The following GHR variants were observed in gnomAD, a reference collection of about 807,000 sequenced individuals.
GHR encodes the protein GH receptor.
GHR carries 35 observed loss-of-function variants against 67.1 expected under a neutral mutation model. The ratio of observed to expected loss-of-function variants is 0.52; its 90% CI spans 0.40 to 0.69. The LOEUF (loss-of-function observed/expected upper bound fraction) is 0.69. Among genes scored for constraint, GHR ranks in the 30% least tolerant of loss-of-function variants. The probability of loss-of-function intolerance (pLI) is 0.00; values close to 1 mark genes in which losing one functional copy is unlikely to be tolerated. For missense variants in GHR, 792 were observed against 764.6 expected (o/e 1.04, Z -0.42); for synonymous variants, 272 against 269.1 (o/e 1.01, Z -0.10).
At position 42,570,443 on chromosome 5, in the gene GHR, A is replaced by G. The variant is rs1424534852; in HGVS notation, c.70+4499A>G. On this transcript the variant is annotated intron_variant, in intron 2 of 9. Transcript: ENST00000230882. ...AATCTAGATGGTGCCAATGTAGATAATGACACATAAAAAGTCTTTCAAGAA... is the reference window on the plus strand; with the variant it reads ...AATCTAGATGGTGCCAATGTAGATAGTGACACATAAAAAGTCTTTCAAGAA... 2.0e-5 allele frequency among the ~76,000 whole-genome samples: 3 copies of G among 152,244 alleles called. No individual in the cohort carries two copies. In the East Asian group the frequency reaches 5.8e-4, roughly 29 times the overall value.
At chr5:42,514,329 T>A in intron 1 of GHR, 1 of 952,880 alleles carries the variant, frequency 1.0e-6, no homozygotes. Context: ...CTTCACCCCT[T>A]GTTGAGATCT....
chr5:42,510,121 G>A (rs1746949019), intron 1 of GHR, among the ~76,000 whole-genome samples: 1 of 152,012 alleles, frequency 6.6e-6, no homozygotes, highest in East Asian at 1.9e-4. Context: ...TTGGTTGCTT[G>A]GGTTAAAAAA....
intron 1 of GHR, among the ~76,000 whole-genome samples, chr5:42,435,227 A>G (rs561110037): frequency 1.3e-5 from 2 of 151,774 alleles, no homozygotes; most frequent in African/African-American, 4.8e-5. Flanking sequence ...ACTTTGTTTG[A>G]ACTGTTGAGA....
intron 1 of GHR, chr5:42,548,279 G>A (rs1748830133): frequency 5.1e-6 from 5 of 985,132 alleles, no homozygotes; most frequent in Non-Finnish European, 6.0e-6. Flanking sequence ...ATTTTGTGAA[G>A]GTTTATATAT....
At chr5:42,614,322 G>A (rs1753033341) in intron 2 of GHR, among the ~76,000 whole-genome samples, 1 of 151,910 alleles carries the variant, frequency 6.6e-6, no homozygotes, top group Admixed American at 6.6e-5. Context: ...GAAATGCTAA[G>A]ATTATGCCTT....
intron 1 of GHR, among the ~76,000 whole-genome samples, chr5:42,496,285 A>T (rs930079753): frequency 4.6e-5 from 7 of 152,224 alleles, no homozygotes; most frequent in African/African-American, 1.7e-4. Flanking sequence ...AATTAAGGTC[A>T]AAAGTATTGT....
intron 8 of GHR, among the ~76,000 whole-genome samples, chr5:42,716,012 G>T (rs1758701315): frequency 6.6e-6 from 1 of 152,068 alleles, no homozygotes; most frequent in African/African-American, 2.4e-5. Context: ...AAAACCACTA[G>T]CGCATGCCTG....
intron 4 of GHR, 53 bp from the exon 5 acceptor site, chr5:42,694,864 A>G (rs1170474012): frequency 1.5e-6 from 2 of 1,356,690 alleles, no homozygotes; most frequent in Non-Finnish European, 2.1e-6. Context: ...CTTGGACTTA[A>G]GCTACAACAT....
intron 2 of GHR, among the ~76,000 whole-genome samples, chr5:42,569,101 A>G (rs946063842): frequency 6.6e-6 from 1 of 152,202 alleles, no homozygotes; most frequent in African/African-American, 2.4e-5. Context: ...TTCTCTAGAG[A>G]CTAGAATGTC....
chr5:42,468,697 T>C (rs1744853306), intron 1 of GHR: 2 of 982,066 alleles, frequency 2.0e-6, no homozygotes, highest in Non-Finnish European at 3.2e-6. Flanking sequence ...TTGGTCTGGG[T>C]CGCAGCCTGA....
At chr5:42,447,730 TCTTTCTTTCTTTC>T (rs923813097) in intron 1 of GHR, among the ~76,000 whole-genome samples, 1 of 124,468 alleles carries the variant, frequency 8.0e-6, no homozygotes, top group Middle Eastern at 3.8e-3. Context: ...CCTCTCTCTC[TCTTTCTTTCTTTC>T]CTTTCTTTCT....
intron 3 of GHR, among the ~76,000 whole-genome samples, chr5:42,680,470 G>A (rs1392616978): frequency 6.7e-6 from 1 of 150,312 alleles, no homozygotes; most frequent in Non-Finnish European, 1.5e-5. Flanking sequence ...TTAATTCCAT[G>A]AAATTTTATT....
chr5:42,618,999 G>T (rs543689653), intron 2 of GHR, among the ~76,000 whole-genome samples: 1 of 152,072 alleles, frequency 6.6e-6, no homozygotes, highest in East Asian at 1.9e-4. Context: ...ATGGCCCTCT[G>T]GTCTGTGCCT....
At chr5:42,708,672 T>A (rs1485688953) in intron 6 of GHR, among the ~76,000 whole-genome samples, 2 of 152,146 alleles carry the variant, frequency 1.3e-5, no homozygotes, top group Non-Finnish European at 2.9e-5. Context: ...ATGTTAGCAT[T>A]CATCAATTCA....
Position 42,712,849 on chromosome 5 carries a change from T to G in GHR, c.785-580T>G, listed in dbSNP as rs961395435. On this transcript the variant is annotated intron_variant, in intron 7 of 9. Coordinates refer to ENST00000230882, the MANE Select transcript of GHR (RefSeq NM_000163.5). ...GTCAATTTTATGTATATAATATACA[T>G]GAGATATATTTATTATATTTTAATA... 4.6e-5 allele frequency among the ~76,000 whole-genome samples: 7 copies of G among 151,052 alleles called. No individual in the cohort carries two copies. The East Asian group carries it at 1.4e-3, about 29-fold the overall frequency.
At chr5:42,563,205 T>C (rs1465198956) in intron 1 of GHR, among the ~76,000 whole-genome samples, 1 of 152,206 alleles carries the variant, frequency 6.6e-6, no homozygotes, top group East Asian at 1.9e-4. Flanking sequence ...TTTACTGTTA[T>C]ACTCTGGCAT....
At chr5:42,605,338 T>G (rs1752579934) in intron 2 of GHR, among the ~76,000 whole-genome samples, 1 of 151,966 alleles carries the variant, frequency 6.6e-6, no homozygotes, top group Non-Finnish European at 1.5e-5. Context: ...GCTCCCGACC[T>G]CAGGTGATCC....
intron 2 of GHR, among the ~76,000 whole-genome samples, chr5:42,571,732 C>T (rs1246786775): frequency 2.0e-5 from 3 of 152,170 alleles, no homozygotes; most frequent in South Asian, 2.1e-4. Context: ...TCTGGTCTTC[C>T]GCCTTAGATG....
At chr5:42,459,615 A>G (rs1022792347) in intron 1 of GHR, among the ~76,000 whole-genome samples, 1 of 152,170 alleles carries the variant, frequency 6.6e-6, no homozygotes, top group African/African-American at 2.4e-5. Context: ...CCCCTCTGAC[A>G]TGCCATTTAC....
Sources: gnomAD v4.1 joint callset for allele counts (sites outside exome capture counted in the v4.1 genomes callset) on GRCh38, gnomAD v4.1.1 for gene constraint, MANE v1.5 for transcripts, NCBI Gene and HGNC (gene_info 2026-07-23, HGNC 2026-07-21) for gene names.